RSPO2: variants seen among roughly 807,000 people sequenced by gnomAD.
The protein encoded by RSPO2 is R-spondin 2.
Under a neutral mutation model 30.9 loss-of-function variants are expected in RSPO2, and 14 were observed. The observed-to-expected ratio is 0.45, with a 90% CI of 0.30 to 0.71. RSPO2 has a LOEUF of 0.71. Ranked by LOEUF, RSPO2 falls within the 30% of genes least tolerant of loss-of-function variation. RSPO2 has a pLI of 0.08. For synonymous variants in RSPO2, 107 were observed against 96.4 expected, an observed-to-expected ratio of 1.11 and a Z score of -0.64; for missense variants, 264 against 301.9, an observed-to-expected ratio of 0.87 and a Z score of 0.93.
At chr8:107,989,397 C>T (rs1000603228) in intron 2 of RSPO2, 153 bp from the exon 3 acceptor site, 2 of 558,860 alleles carry the variant, frequency 3.6e-6, no homozygotes, top group Non-Finnish European at 6.0e-6. Context: ...CCTCTACCTC[C>T]TCCACCCAAA....
intron 5 of RSPO2, among the ~76,000 whole-genome samples, chr8:107,951,861 G>A (rs1586572885): frequency 6.6e-6 from 1 of 151,918 alleles, no homozygotes; most frequent in South Asian, 2.1e-4. Context: ...TTATATTTAT[G>A]TCTATGTCCA....
At position 107,916,600 on chromosome 8, in the gene RSPO2, A is replaced by G. The variant is rs545827940; in HGVS notation, c.617-15410T>C. The stretch of plus-strand genomic sequence containing the variant: ...GGGAATATGGCTTTTGTTAAAGGAA[A>G]TGTAATTTTTTCTAGTTCAGACAAA... On this transcript the variant is annotated intron_variant, in intron 5 of 5. Transcript: ENST00000276659. 4.6e-5 allele frequency among the ~76,000 whole-genome samples: 7 copies of G among 152,326 alleles called. No individual in the cohort carries two copies. In the East Asian group the frequency reaches 1.2e-3, roughly 25 times the overall value.
chr8:107,899,384 G>T lies in RSPO2; in HGVS notation c.*1691C>A, dbSNP rs556835036. The T allele has an allele frequency of 1.3e-5, 2 of 152,696 alleles. No individual in the cohort carries two copies. Among genetic ancestry groups the T allele is most frequent in the Admixed American group, 1.3e-4 (2 of 15,286 alleles). 9.5% of individuals were successfully genotyped at this position (152,696 alleles called of 1,614,324 possible). A position where few individuals can be genotyped will look rare whatever the true frequency, so the allele number is the denominator to read the frequency against. On this transcript the variant is annotated 3_prime_UTR_variant, in exon 6 of 6. Coordinates refer to ENST00000276659, the MANE Select transcript of RSPO2 (RefSeq NM_178565.5). ...CAACAGGTATTGACTTATTAACGAT[G>T]AAGCACTATATAAGGAGACCCCCTC...
At chr8:107,997,113 T>G (rs1815054908) in intron 2 of RSPO2, 1 of 225,970 alleles carries the variant, frequency 4.4e-6, no homozygotes, top group African/African-American at 2.3e-5. Flanking sequence ...TCAAACAGAC[T>G]TTTCCATTTA....
At chr8:108,011,858 C>T (rs956349198) in intron 2 of RSPO2, among the ~76,000 whole-genome samples, 2 of 152,178 alleles carry the variant, frequency 1.3e-5, no homozygotes, top group African/African-American at 4.8e-5. Flanking sequence ...TTACAATTTC[C>T]TCCAAGTAGA....
chr8:108,022,938 A>AC (rs1196232593), intron 2 of RSPO2, among the ~76,000 whole-genome samples: 4 of 151,048 alleles, frequency 2.6e-5, no homozygotes, highest in African/African-American at 9.8e-5. Context: ...AAAAACAAAA[A>AC]AAAAAACCAC....
chr8:108,054,593 T>C (rs1369285174), intron 2 of RSPO2, among the ~76,000 whole-genome samples: 3 of 152,176 alleles, frequency 2.0e-5, no homozygotes, highest in African/African-American at 7.2e-5. Flanking sequence ...AGGATTTTGA[T>C]AGACAGTGTT....
rs1811377723 is a variant in RSPO2 at position 107,899,642 on chromosome 8, T to C, written c.*1433A>G. On this transcript the variant is annotated 3_prime_UTR_variant, in exon 6 of 6. Transcript: ENST00000276659. Reference sequence around the variant, plus strand: ...CAATGCAAGGTGAAAAAAAAAAGGCTTTACCTTGCTTTGTTTCAAAATCCA... The same window carrying C: ...CAATGCAAGGTGAAAAAAAAAAGGCCTTACCTTGCTTTGTTTCAAAATCCA... 1 of 152,452 alleles carries C rather than the reference T, an allele frequency of 6.6e-6. No individual in the cohort carries two copies. The highest frequency in any genetic ancestry group is 2.1e-4 in the South Asian group (1 of 4,824). The allele number at this position is 152,452 out of a possible 1,614,324, so 9.4% of individuals were successfully genotyped here.
At chr8:107,938,585 A>G (rs1812791570) in intron 5 of RSPO2, among the ~76,000 whole-genome samples, 1 of 152,180 alleles carries the variant, frequency 6.6e-6, no homozygotes, top group South Asian at 2.1e-4. Context: ...AGAAACATGT[A>G]AAGTATTTGG....
At position 107,900,935 on chromosome 8, in the gene RSPO2, TGC is replaced by T. The variant is rs1563740940; in HGVS notation, c.*138_*139del. On this transcript the variant is annotated 3_prime_UTR_variant, in exon 6 of 6. Coordinates refer to ENST00000276659, the MANE Select transcript of RSPO2 (RefSeq NM_178565.5). ...AATAACACAGGGGCCATGCTGGTGG[TGC>T]TTCCTTTCACCATGTTACTGGGAAC... The T allele has an allele frequency of 1.2e-6, 1 of 838,430 alleles. No homozygotes were observed. The highest frequency in any genetic ancestry group is 1.7e-5 in the African/African-American group (1 of 58,138). The allele number at this position is 838,430 out of a possible 1,614,324, so 51.9% of individuals were successfully genotyped here.
intron 2 of RSPO2, among the ~76,000 whole-genome samples, chr8:108,022,324 A>T (rs1430012056): frequency 2.0e-5 from 3 of 152,178 alleles, no homozygotes; most frequent in Non-Finnish European, 4.4e-5. Context: ...CAACAGAAGG[A>T]ATGGCTATTC....
chr8:107,930,925 A>T (rs1307561898), intron 5 of RSPO2, among the ~76,000 whole-genome samples: 1 of 152,220 alleles, frequency 6.6e-6, no homozygotes, highest in African/African-American at 2.4e-5. Context: ...ACTATCAAGC[A>T]GGATTTTATA....
rs114122719 is a variant in RSPO2, at chr8:107,942,302, T to C, written c.616+15778A>G. On this transcript the variant is annotated intron_variant, in intron 5 of 5. Coordinates refer to ENST00000276659, the MANE Select transcript of RSPO2 (RefSeq NM_178565.5). ...GTACTGGCTGAACACCTAAATATCT[T>C]ATTTCAGCCCATGTTAACATTTTAA... Among the ~76,000 whole-genome samples, 907 of 152,326 alleles carry C rather than the reference T, an allele frequency of 6.0e-3. 10 individuals carry two copies. The highest frequency in any genetic ancestry group is 0.021 in the African/African-American group (873 of 41,574).
chr8:108,014,116 A>C (rs1810795430), intron 2 of RSPO2, among the ~76,000 whole-genome samples: 1 of 152,250 alleles, frequency 6.6e-6, no homozygotes, highest in African/African-American at 2.4e-5. Flanking sequence ...GTCATTAGAG[A>C]AATGCAAATC....
chr8:107,959,722 C>A (rs1189490542), intron 4 of RSPO2, among the ~76,000 whole-genome samples: 1 of 152,166 alleles, frequency 6.6e-6, no homozygotes, highest in Non-Finnish European at 1.5e-5. Context: ...CTTCTAGTGA[C>A]TTTCTTATTT....
intron 3 of RSPO2, among the ~76,000 whole-genome samples, chr8:107,963,217 A>C (rs1366494084): frequency 6.9e-6 from 1 of 144,538 alleles, no homozygotes; most frequent in South Asian, 2.3e-4. Flanking sequence ...GACCTGAAAA[A>C]CCCATTGTTA....
At chr8:107,924,846 ACAC>A (rs1812305196) in intron 5 of RSPO2, among the ~76,000 whole-genome samples, 8 of 151,746 alleles carry the variant, frequency 5.3e-5, no homozygotes, top group Non-Finnish European at 1.0e-4. Context: ...ACACACACAC[ACAC>A]AAAATAAGTT....
intron 5 of RSPO2, among the ~76,000 whole-genome samples, chr8:107,939,446 C>T (rs1010467476): frequency 1.3e-5 from 2 of 149,464 alleles, no homozygotes; most frequent in Non-Finnish European, 3.0e-5. Context: ...GGGACAGTTA[C>T]ACCAAACGAC....
chr8:107,979,008 A>G (rs376523985), intron 3 of RSPO2, among the ~76,000 whole-genome samples: 59 of 152,256 alleles, frequency 3.9e-4, no homozygotes, highest in African/African-American at 1.2e-3. Context: ...TTAGAATGGC[A>G]ATCATTAAAA....
Sources: allele counts gnomAD v4.1 joint callset (sites outside exome capture counted in the v4.1 genomes callset), GRCh38; gene constraint gnomAD v4.1.1; transcripts MANE v1.5; gene names NCBI Gene and HGNC (gene_info 2026-07-23, HGNC 2026-07-21).